The following RANBP2 variants were observed in gnomAD, a reference collection of about 807,000 sequenced individuals.
RANBP2 encodes RAN binding protein 2.
Under a neutral mutation model 303.6 loss-of-function variants are expected in RANBP2, and 57 were observed. That is an observed-to-expected ratio of 0.19 (90% confidence interval 0.15 to 0.23). The LOEUF is 0.23. RANBP2 is among the 10% of genes least tolerant of loss of function. The probability of loss-of-function intolerance (pLI) is 1.00; values close to 1 mark genes in which losing one functional copy is unlikely to be tolerated. For synonymous variants in RANBP2, 1,167 were observed against 1,301.5 expected (o/e 0.90, Z 2.23); for missense variants, 3,138 against 3,780.8 (o/e 0.83, Z 4.46).
the RANBP2 span, among the ~76,000 whole-genome samples, chr2:108,834,214 A>G: frequency 1.4e-5 from 2 of 139,688 alleles, no homozygotes; most frequent in East Asian, 4.1e-4. Context: ...CATCTTTGAA[A>G]TTTTTTTTTT....
the RANBP2 span, among the ~76,000 whole-genome samples, chr2:108,955,384 C>T: frequency 2.0e-5 from 3 of 152,198 alleles, no homozygotes; most frequent in African/African-American, 7.2e-5. Flanking sequence ...GAAATAAAAT[C>T]ATAACCCATT....
At chr2:109,616,273 C>T in the RANBP2 span, 1 of 666,258 alleles carries the variant, frequency 1.5e-6, no homozygotes, top group Non-Finnish European at 2.2e-6. Flanking sequence ...TTGACCTGTA[C>T]CTCTTCTCTG....
the RANBP2 span, among the ~76,000 whole-genome samples, chr2:109,277,897 G>A: frequency 5.3e-5 from 8 of 152,112 alleles, no homozygotes; most frequent in African/African-American, 1.4e-4. Flanking sequence ...ATTTCAGGCC[G>A]GGTGTGGTGG....
At chr2:109,096,758 G>A in the RANBP2 span, among the ~76,000 whole-genome samples, 1 of 151,302 alleles carries the variant, frequency 6.6e-6, no homozygotes, top group Non-Finnish European at 1.5e-5. Flanking sequence ...GTTTTCCAGA[G>A]CCAAGAAAAC....
At chr2:108,813,557 C>T in the RANBP2 span, among the ~76,000 whole-genome samples, 1 of 152,160 alleles carries the variant, frequency 6.6e-6, no homozygotes, top group Non-Finnish European at 1.5e-5. Context: ...ATATTTCAGT[C>T]AAGACTACAA....
chr2:109,190,087 C>A, the RANBP2 span, among the ~76,000 whole-genome samples: 144 of 152,308 alleles, frequency 9.5e-4, no homozygotes, highest in African/African-American at 3.2e-3. Flanking sequence ...AAACTTTTCC[C>A]GTGATCATAT....
the RANBP2 span, among the ~76,000 whole-genome samples, chr2:108,921,256 A>T: frequency 2.6e-5 from 4 of 152,068 alleles, no homozygotes; most frequent in Non-Finnish European, 4.4e-5. Context: ...AGACCCTGAC[A>T]CTGACCTGGG....
At chr2:109,605,929 A>G in the RANBP2 span, among the ~76,000 whole-genome samples, 1 of 152,216 alleles carries the variant, frequency 6.6e-6, no homozygotes, top group Non-Finnish European at 1.5e-5. Flanking sequence ...GTTAGAATTA[A>G]CTGTATAGTA....
chr2:109,701,447 G>C, the RANBP2 span, among the ~76,000 whole-genome samples: 1 of 152,126 alleles, frequency 6.6e-6, no homozygotes, highest in Admixed American at 6.5e-5. Context: ...CTGTACAGTG[G>C]TTTGGCCTGG....
chr2:108,843,450 A>T, the RANBP2 span, among the ~76,000 whole-genome samples: 1 of 152,276 alleles, frequency 6.6e-6, no homozygotes. Flanking sequence ...AAGCCACCGC[A>T]CCTGGCCTAG....
At chr2:109,620,757 G>A in the RANBP2 span, among the ~76,000 whole-genome samples, 4 of 152,182 alleles carry the variant, frequency 2.6e-5, no homozygotes, top group Admixed American at 2.0e-4. Flanking sequence ...TCCAAGACCT[G>A]TAGGAGAAAT....
At chr2:109,613,247 G>A in the RANBP2 span, 1 of 1,149,612 alleles carries the variant, frequency 8.7e-7, no homozygotes. Context: ...GTTCAAAACA[G>A]TGAACAAACG....
chr2:108,765,270 T>C lies in RANBP2; in HGVS notation c.4731T>C (p.Ser1577=). 3.1e-6 allele frequency: 5 copies of C among 1,614,030 alleles called. No individual in the cohort carries two copies. The South Asian group carries it at 4.4e-5, about 14-fold the overall frequency. Residue 1577 remains serine, a synonymous_variant, in exon 20 of 29, where the codon TCT becomes TCC. Transcript: ENST00000283195. The part of the protein sequence containing the change: ...QNPDKPSPST[S]VPAPASFKFG... ...CGGATAAACCAAGTCCATCTACTTC[T>C]GTTCCAGCTCCTGCCTCTTTTAAGT...
At chr2:109,651,639 A>G in the RANBP2 span, among the ~76,000 whole-genome samples, 2 of 152,152 alleles carry the variant, frequency 1.3e-5, no homozygotes, top group African/African-American at 2.4e-5. Context: ...AGAGGTGAGG[A>G]TCTGTGCTGA....
the RANBP2 span, among the ~76,000 whole-genome samples, chr2:109,298,084 C>A: frequency 6.6e-6 from 1 of 152,122 alleles, no homozygotes; most frequent in Non-Finnish European, 1.5e-5. Flanking sequence ...GGGGATCTGT[C>A]CCACTCAAAC....
chr2:109,211,312 G>A, the RANBP2 span, among the ~76,000 whole-genome samples: 1 of 152,228 alleles, frequency 6.6e-6, no homozygotes, highest in South Asian at 2.1e-4. Flanking sequence ...CCTGGATTTT[G>A]TTTAACATCT....
chr2:108,910,094 G>C, the RANBP2 span, among the ~76,000 whole-genome samples: 7 of 152,228 alleles, frequency 4.6e-5, no homozygotes, highest in African/African-American at 1.7e-4. Flanking sequence ...AGCAGTACTG[G>C]CACCGGCACG....
At chr2:108,820,449 C>CT in the RANBP2 span, among the ~76,000 whole-genome samples, 1 of 151,938 alleles carries the variant, frequency 6.6e-6, no homozygotes, top group Non-Finnish European at 1.5e-5. Context: ...CCAAACTTTC[C>CT]TTTTTTTGAG....
At chr2:108,920,079 G>T in the RANBP2 span, among the ~76,000 whole-genome samples, 2 of 152,236 alleles carry the variant, frequency 1.3e-5, no homozygotes, top group Non-Finnish European at 2.9e-5. Context: ...GTCCTCATCT[G>T]AATCTCTTTC....
Sources: allele counts gnomAD v4.1 joint callset (sites outside exome capture counted in the v4.1 genomes callset), GRCh38; gene constraint gnomAD v4.1.1; transcripts MANE v1.5; gene names NCBI Gene and HGNC (gene_info 2026-07-23, HGNC 2026-07-21).